The following UNC79 variants were observed in gnomAD, a reference collection of about 807,000 sequenced individuals.
UNC79 encodes the protein protein unc-79 homolog.
Under a neutral mutation model 283.1 loss-of-function variants are expected in UNC79, and 37 were observed. The observed-to-expected ratio is 0.13, with a 90% confidence interval of 0.10 to 0.17. The LOEUF (loss-of-function observed/expected upper bound fraction) is 0.17, where lower values mean the gene tolerates loss of function less well. Ranked by LOEUF, UNC79 falls within the 10% of genes least tolerant of loss-of-function variation. UNC79 has a pLI of 1.00. For synonymous variants in UNC79, 1,107 were observed against 1,200.2 expected (o/e 0.92, Z 1.61); for missense variants, 2,272 against 3,211.1 (o/e 0.71, Z 7.07).
intron 1 of UNC79, among the ~76,000 whole-genome samples, chr14:93,433,516 G>A (rs1439094800): frequency 1.3e-5 from 2 of 152,086 alleles, no homozygotes. Context: ...GTTTAGCTAC[G>A]TGTAAGGAGC....
intron 8 of UNC79, among the ~76,000 whole-genome samples, chr14:93,526,861 G>A (rs2060572157): frequency 6.6e-6 from 1 of 152,150 alleles, no homozygotes; most frequent in African/African-American, 2.4e-5. Context: ...CTAAAAAAGA[G>A]GGTAGAATAA....
intron 1 of UNC79, among the ~76,000 whole-genome samples, chr14:93,465,205 G>A (rs986929604): frequency 4.6e-5 from 7 of 151,740 alleles, no homozygotes; most frequent in African/African-American, 1.7e-4. Flanking sequence ...ACAATCTATC[G>A]TATGTCTATA....
At chr14:93,418,670 T>C (rs2055519887) in intron 1 of UNC79, among the ~76,000 whole-genome samples, 2 of 151,854 alleles carry the variant, frequency 1.3e-5, no homozygotes, top group Non-Finnish European at 2.9e-5. Flanking sequence ...TGTGGTGGGC[T>C]CCACCCAGTT....
Position 93,655,485 on chromosome 14 carries a change from T to C in UNC79, c.6456+78T>C, listed in dbSNP as rs1421199747. 3.3e-6 allele frequency: 5 copies of C among 1,531,342 alleles called. No individual in the cohort carries two copies. In the South Asian group the frequency reaches 6.1e-5, roughly 19 times the overall value. 94.9% of individuals were successfully genotyped at this position (1,531,342 alleles called of 1,614,324 possible). A position where few individuals can be genotyped will look rare whatever the true frequency, so the allele number is the denominator to read the frequency against. ...CGTTTATTTACAAGCAGCAGAGTCT[T>C]GGGTGATTTAATGTATCGCAAAGGT... On this transcript the variant is annotated intron_variant, in intron 38 of 48. Coordinates refer to ENST00000555664, the Ensembl canonical transcript of UNC79.
intron 3 of UNC79, 22 bp from the exon 4 acceptor site, chr14:93,477,536 A>G (rs909752003): frequency 4.9e-5 from 76 of 1,555,860 alleles, no homozygotes; most frequent in Non-Finnish European, 5.9e-5. Flanking sequence ...TCAGTGACTG[A>G]TTACTCAATT....
At chr14:93,484,673 T>C (rs1458792355) in intron 4 of UNC79, among the ~76,000 whole-genome samples, 1 of 152,246 alleles carries the variant, frequency 6.6e-6, no homozygotes, top group Non-Finnish European at 1.5e-5. Flanking sequence ...TTGTTTATAG[T>C]CTTGGCTTTT....
chr14:93,414,613 T>G (rs2055412158), intron 1 of UNC79, among the ~76,000 whole-genome samples: 4 of 152,280 alleles, frequency 2.6e-5, no homozygotes, highest in African/African-American at 9.6e-5. Context: ...ATAAATTACC[T>G]TGGGCAGTAT....
chr14:93,507,309 G>C (rs976684436), intron 7 of UNC79, among the ~76,000 whole-genome samples: 4 of 152,148 alleles, frequency 2.6e-5, no homozygotes, highest in Admixed American at 6.5e-5. Flanking sequence ...TATCTAAACA[G>C]TTTTCTAAAG....
At chr14:93,487,052 T>C (rs569467914) in intron 4 of UNC79, among the ~76,000 whole-genome samples, 2 of 152,274 alleles carry the variant, frequency 1.3e-5, no homozygotes, top group Non-Finnish European at 2.9e-5. Context: ...ATGGTTCTCA[T>C]GGTAATGAAG....
chr14:93,692,069 A>G (rs768161939), intron 46 of UNC79, 123 bp downstream of exon 49: 25 of 1,138,522 alleles, frequency 2.2e-5, no homozygotes, highest in Non-Finnish European at 3.2e-5. Context: ...GATCGGGGAT[A>G]TGTTACCTTA....
intron 14 of UNC79, among the ~76,000 whole-genome samples, chr14:93,558,982 T>C (rs1371220467): frequency 1.3e-5 from 2 of 152,160 alleles, no homozygotes; most frequent in Non-Finnish European, 2.9e-5. Context: ...TCTGGACCCA[T>C]GTGCTGCCAA....
chr14:93,627,459 T>A (rs762591231), intron 30 of UNC79, among the ~76,000 whole-genome samples: 10 of 152,186 alleles, frequency 6.6e-5, no homozygotes, highest in Non-Finnish European at 1.5e-4. Context: ...ACAACTCACC[T>A]GGGGATTGGC....
upstream of UNC79, among the ~76,000 whole-genome samples, chr14:93,428,066 A>G (rs771420083): frequency 2.0e-5 from 3 of 152,212 alleles, no homozygotes; most frequent in African/African-American, 4.8e-5. Context: ...AAATGCTGGC[A>G]TTAGTCACCA....
chr14:93,489,139 A>C (rs749046570), intron 5 of UNC79, among the ~76,000 whole-genome samples: 1 of 152,094 alleles, frequency 6.6e-6, no homozygotes, highest in Non-Finnish European at 1.5e-5. Flanking sequence ...CAGTCTCATT[A>C]TGTTTCCCAG....
rs2074574120 is a variant in UNC79, at chr14:93,690,152, G to A, written c.7121G>A (p.Arg2374Gln). ...TTCATTGAGTGTGTCTCCCATATCC[G>A]ACTGTTGTCCTGGCTGCTGCTGGGT... Residue 2374 changes from arginine to glutamine, a missense_variant, in exon 45 of 49, where the codon CGA becomes CAA. Arg to Gln is a conservative substitution (Grantham distance 43). This residue lies in a region of UNC79 where 225 missense variants were observed against 334.2 expected (regional missense o/e 0.67). Coordinates refer to ENST00000555664, the Ensembl canonical transcript of UNC79. This position sits in a 1 kb window ranked among gnomAD's most constrained non-coding sequence, Gnocchi z 4.3. 3 of 1,613,860 alleles carry A rather than the reference G, an allele frequency of 1.9e-6. No individual in the cohort carries two copies. The highest frequency in any genetic ancestry group is 1.1e-5 in the South Asian group (1 of 91,052).
At chr14:93,706,757 C>T in exon 49 of UNC79, 1 of 1,614,254 alleles carries the variant, frequency 6.2e-7, no homozygotes, top group South Asian at 1.1e-5. Flanking sequence ...ACCACGTGAA[C>T]CACCACAGCC....
At chr14:93,552,657 T>C (rs181263337) in intron 14 of UNC79, among the ~76,000 whole-genome samples, 6 of 152,348 alleles carry the variant, frequency 3.9e-5, no homozygotes, top group Admixed American at 2.6e-4. Context: ...TTGTTTTGAT[T>C]ATTTGCGTGA....
At chr14:93,635,694 A>G (rs1313468050) in intron 31 of UNC79, among the ~76,000 whole-genome samples, 1 of 152,210 alleles carries the variant, frequency 6.6e-6, no homozygotes. Context: ...CTCACATTTA[A>G]CAGATAGTTT....
intron 1 of UNC79, among the ~76,000 whole-genome samples, chr14:93,339,534 C>A (rs11621101): frequency 0.02 from 2,976 of 152,200 alleles, 52 homozygotes; most frequent in South Asian, 0.076. Context: ...CTCCTCACCT[C>A]GTGATCGACC....
Sources: gnomAD v4.1 joint callset for allele counts (sites outside exome capture counted in the v4.1 genomes callset) on GRCh38, gnomAD v4.1.1 for gene constraint, gnomAD v4.1.1 regional missense constraint, Gnocchi (gnomAD v3.1) non-coding constraint, MANE v1.5 for transcripts, NCBI Gene and HGNC (gene_info 2026-07-23, HGNC 2026-07-21) for gene names.